The following RIPOR3 variants were observed in gnomAD, a reference collection of about 807,000 sequenced individuals.
RIPOR3 encodes family with sequence similarity 65 member C.
A neutral mutation model predicts 114.3 loss-of-function variants in RIPOR3; 95 were observed. The observed-to-expected ratio is 0.83, with a 90% CI of 0.70 to 0.99. The LOEUF is 0.99. Among genes scored for constraint, RIPOR3 ranks in the 50% least tolerant of loss-of-function variants. The probability of loss-of-function intolerance (pLI) is 0.00; values close to 1 mark genes in which losing one functional copy is unlikely to be tolerated. For synonymous variants in RIPOR3, 575 were observed against 543.8 expected, an observed-to-expected ratio of 1.06 and a Z score of -0.80; for missense variants, 1,252 against 1,266.9, an observed-to-expected ratio of 0.99 and a Z score of 0.18.
At chr20:50,591,049 A>C (rs766667656) in intron 19 of RIPOR3, among the ~76,000 whole-genome samples, 9 of 152,210 alleles carry the variant, frequency 5.9e-5, no homozygotes, top group Non-Finnish European at 1.0e-4. Flanking sequence ...TCCTGCAAGC[A>C]GCAAAGTCTA....
intron 1 of RIPOR3, among the ~76,000 whole-genome samples, chr20:50,655,086 C>A (rs187941260): frequency 4.8e-4 from 73 of 152,348 alleles, no homozygotes; most frequent in African/African-American, 1.7e-3. Context: ...AACTCATCAA[C>A]GAATTTCTCC....
intron 5 of RIPOR3, 44 bp from the exon 6 acceptor site, chr20:50,610,950 C>T (rs1568856962): frequency 1.9e-6 from 3 of 1,613,384 alleles, no homozygotes; most frequent in Non-Finnish European, 2.5e-6. Flanking sequence ...TTGCCTGGGC[C>T]ACCCACCTGC....
chr20:50,689,734 G>A (rs1025668226), intron 1 of RIPOR3, among the ~76,000 whole-genome samples: 6 of 152,118 alleles, frequency 3.9e-5, no homozygotes, highest in African/African-American at 1.2e-4. Context: ...GGACTGGGGG[G>A]GCTTCTGGAC....
chr20:50,594,836 C>T (rs1240934932), intron 16 of RIPOR3, 122 bp from the exon 17 acceptor site: 10 of 1,146,258 alleles, frequency 8.7e-6, no homozygotes, highest in South Asian at 3.2e-5. Flanking sequence ...TGGCTTGATG[C>T]GAGGTCCCTT....
At chr20:50,622,439 C>A (rs962866768) in intron 2 of RIPOR3, among the ~76,000 whole-genome samples, 2 of 152,160 alleles carry the variant, frequency 1.3e-5, no homozygotes, top group African/African-American at 2.4e-5. Context: ...GCCTCAGCCT[C>A]CCAAAGTACT....
chr20:50,595,350 G>A lies in RIPOR3; in HGVS notation c.2050+19C>T, dbSNP rs1568822546. On this transcript the variant is annotated intron_variant, in intron 16 of 21. Coordinates refer to ENST00000327979, the MANE Select transcript of RIPOR3 (RefSeq NM_001290268.2). ...TGCCGCTCACATAGGCAGCCCCTGG[G>A]TGGCAGGCAGCTACTTACTCTCTTC... The A allele has an allele frequency of 6.2e-7, 1 of 1,608,730 alleles. No individual in the cohort carries two copies. Among genetic ancestry groups the A allele is most frequent in the African/African-American group, 1.3e-5 (1 of 74,964 alleles).
chr20:50,616,042 A>G lies in RIPOR3; in HGVS notation c.308T>C (p.Leu103Pro), dbSNP rs1329410023. Residue 103 changes from leucine to proline, a missense_variant, in exon 4 of 22, where the codon CTG becomes CCG. Coordinates refer to ENST00000327979, the MANE Select transcript of RIPOR3 (RefSeq NM_001290268.2). ...LCVQQAELDH[L>P]SGRHKDTRRN... ...CCTGGTGTCTTTGTGGCGTCCAGAC[A>G]GGTGGTCCAGCTCAGCCTGCTGCAC... 3.1e-6 allele frequency: 5 copies of G among 1,611,948 alleles called. No homozygotes were observed. The highest frequency in any genetic ancestry group is 2.7e-5 in the African/African-American group (2 of 75,024).
chr20:50,673,086 C>CG (rs2086575372), intron 1 of RIPOR3, among the ~76,000 whole-genome samples: 1 of 152,200 alleles, frequency 6.6e-6, no homozygotes, highest in Non-Finnish European at 1.5e-5. Context: ...GAGAAGGCTC[C>CG]TACCTGCTGT....
At chr20:50,671,982 G>GTGGATGGA (rs71190589) in intron 1 of RIPOR3, among the ~76,000 whole-genome samples, 92 of 137,200 alleles carry the variant, frequency 6.7e-4, no homozygotes, top group African/African-American at 2.2e-3. Flanking sequence ...GGATGGGTGC[G>GTGGATGGA]TGGATGGATG....
chr20:50,591,884 C>T (rs2083119343), intron 19 of RIPOR3, among the ~76,000 whole-genome samples: 2 of 152,216 alleles, frequency 1.3e-5, no homozygotes, highest in South Asian at 4.1e-4. Flanking sequence ...ATCGCAGGGT[C>T]AGGAGTTTGA....
At chr20:50,630,680 C>T in intron 2 of RIPOR3, 58 bp downstream of exon 2, 1 of 1,449,302 alleles carries the variant, frequency 6.9e-7, no homozygotes, top group Non-Finnish European at 9.4e-7. Context: ...CTGCCCTTCC[C>T]CAGCCCATTA....
rs543799168 is a variant in RIPOR3 at position 50,618,694 on chromosome 20, C to T, written c.269+1292G>A. ...TCTGTATTGTGTATTGTCTGTCTCT[C>T]CCCCACTAGGAGTCAGCTCCACAGG... is the stretch of plus-strand genomic sequence containing the variant. On this transcript the variant is annotated intron_variant, in intron 3 of 21. Transcript: ENST00000327979. Among the ~76,000 whole-genome samples, 7 of 152,322 alleles carry T rather than the reference C, an allele frequency of 4.6e-5. No homozygotes were observed. In the East Asian group the frequency reaches 1.4e-3, roughly 29 times the overall value.
chr20:50,655,809 C>T (rs2085791183), intron 1 of RIPOR3, among the ~76,000 whole-genome samples: 1 of 151,878 alleles, frequency 6.6e-6, no homozygotes, highest in Non-Finnish European at 1.5e-5. Context: ...GAGTTCGTGG[C>T]ATGAGGCACG....
intron 3 of RIPOR3, among the ~76,000 whole-genome samples, chr20:50,618,305 G>C (rs541187372): frequency 7.6e-6 from 1 of 131,986 alleles, no homozygotes; most frequent in African/African-American, 3.3e-5. Flanking sequence ...AAAAAAAGGC[G>C]TAAGTAGGAG....
chr20:50,602,663 A>C lies in RIPOR3; in HGVS notation c.1087-19T>G. 7.0e-7 allele frequency: 1 copy of C among 1,431,848 alleles called. No homozygotes were observed. Among genetic ancestry groups the C allele is most frequent in the South Asian group, 1.7e-5 (1 of 58,226 alleles). The allele number at this position is 1,431,848 out of a possible 1,614,324, so 88.7% of individuals were successfully genotyped here. A position where few individuals can be genotyped will look rare whatever the true frequency, so the allele number is the denominator to read the frequency against. ...GGACAGACTGGAGAGGGGACACGGG[A>C]GCGGCCTCACCAGCCACCCCAGGGA... On this transcript the variant is annotated intron_variant, in intron 12 of 21. Coordinates refer to ENST00000327979, the MANE Select transcript of RIPOR3 (RefSeq NM_001290268.2). This position sits in a 1 kb window ranked among gnomAD's most constrained non-coding sequence, Gnocchi z 4.3.
intron 1 of RIPOR3, among the ~76,000 whole-genome samples, chr20:50,689,566 T>C (rs1056502213): frequency 8.5e-5 from 13 of 152,174 alleles, no homozygotes; most frequent in Non-Finnish European, 1.6e-4. Flanking sequence ...ACCAGACTCA[T>C]GGAATCTCAG....
chr20:50,592,439 A>G lies in RIPOR3; in HGVS notation c.2482T>C (p.Trp828Arg). ...LQPLPQTLRA[W>R]ALLQLDGTPR... ...GTGCCGTCCAGCTGGAGCAGCGCCCAGGCTCTTAAGGTCTGGGGCAGAGGC... is the reference window on the plus strand; with the variant it reads ...GTGCCGTCCAGCTGGAGCAGCGCCCGGGCTCTTAAGGTCTGGGGCAGAGGC... Residue 828 changes from tryptophan to arginine, a missense_variant, in exon 19 of 22, where the codon TGG (tryptophan) becomes CGG (arginine). By Grantham distance (101) the Trp-to-Arg change is moderately radical. Coordinates refer to ENST00000327979, the MANE Select transcript of RIPOR3 (RefSeq NM_001290268.2). 1 of 1,612,532 alleles carries G rather than the reference A, an allele frequency of 6.2e-7. No homozygotes were observed.
At chr20:50,609,073 G>T (rs74829721) in intron 8 of RIPOR3, 118 bp from the exon 9 acceptor site, 20 of 1,414,602 alleles carry the variant, frequency 1.4e-5, no homozygotes, top group Admixed American at 1.4e-4. Context: ...GGTGAGGATG[G>T]GGGGGAGGTA....
At chr20:50,613,098 GAATAAATAAATAA>G (rs1285235168) in intron 4 of RIPOR3, among the ~76,000 whole-genome samples, 4 of 151,890 alleles carry the variant, frequency 2.6e-5, no homozygotes, top group Admixed American at 2.6e-4. Context: ...GTCACTTTAA[GAATAAATAAATAA>G]AATCTTTTTA....
Sources: allele counts gnomAD v4.1 joint callset (sites outside exome capture counted in the v4.1 genomes callset), GRCh38; gene constraint gnomAD v4.1.1; non-coding constraint Gnocchi (gnomAD v3.1); transcripts MANE v1.5; gene names NCBI Gene and HGNC (gene_info 2026-07-23, HGNC 2026-07-21).